Variants in HOXB3 observed in about 807,000 individuals in gnomAD.
HOXB3 encodes the protein homeobox protein Hox-B3.
In HOXB3, 17 loss-of-function variants were observed where a neutral mutation model predicts 29.2. The ratio of observed to expected loss-of-function variants is 0.58; its 90% CI spans 0.40 to 0.87. HOXB3 has a LOEUF of 0.87. Among genes scored for constraint, HOXB3 ranks in the 40% least tolerant of loss-of-function variants. The pLI is 0.00. For synonymous variants in HOXB3, 317 were observed against 285.9 expected (o/e 1.11, Z -1.10); for missense variants, 637 against 616.3 (o/e 1.03, Z -0.35).
intron 2 of HOXB3, among the ~76,000 whole-genome samples, chr17:48,557,657 C>T (rs4793927): frequency 0.56 from 84,505 of 151,886 alleles, 24,312 homozygotes; most frequent in Non-Finnish European, 0.63. Flanking sequence ...CCCCACCTCC[C>T]ACCTAGAAAG....
At chr17:48,568,886 T>C (rs997564453) in intron 2 of HOXB3, among the ~76,000 whole-genome samples, 5 of 152,160 alleles carry the variant, frequency 3.3e-5, no homozygotes, top group Non-Finnish European at 5.9e-5. Flanking sequence ...ATTTGTCACA[T>C]TTTACGACAA....
At chr17:48,578,206 G>A (rs1406721568) in intron 1 of HOXB3, 5 of 1,613,734 alleles carry the variant, frequency 3.1e-6, no homozygotes, top group Non-Finnish European at 3.4e-6. Context: ...GGCCGCCGGC[G>A]TAGTACCCGG....
At chr17:48,574,110 T>C (rs1307314484) in intron 1 of HOXB3, 96 bp from the exon 2 acceptor site, 2 of 538,666 alleles carry the variant, frequency 3.7e-6, no homozygotes, top group African/African-American at 3.8e-5. Flanking sequence ...TTAGCTCTTG[T>C]CTACACAGAA....
chr17:48,558,227 G>A (rs1411700737), intron 2 of HOXB3, among the ~76,000 whole-genome samples: 4 of 152,158 alleles, frequency 2.6e-5, no homozygotes, highest in Non-Finnish European at 5.9e-5. Context: ...GCCTCGGGCC[G>A]GCTGCAGGAG....
chr17:48,575,430 C>G (rs1389709056), intron 1 of HOXB3: 1 of 152,182 alleles, frequency 6.6e-6, no homozygotes, highest in Non-Finnish European at 1.5e-5. Context: ...GGGGCTGAAC[C>G]CAGTAGGGTG....
chr17:48,563,298 C>A (rs1483002420), intron 2 of HOXB3, among the ~76,000 whole-genome samples: 1 of 152,168 alleles, frequency 6.6e-6, no homozygotes, highest in Non-Finnish European at 1.5e-5. Flanking sequence ...GTGGACAGGA[C>A]AAGGGGCAGT....
intron 1 of HOXB3, chr17:48,576,796 T>C: frequency 3.1e-6 from 5 of 1,614,156 alleles, no homozygotes; most frequent in Non-Finnish European, 4.2e-6. Context: ...CCCGAGCGGA[T>C]CTTGGTGTTG....
At chr17:48,583,694 C>G (rs2069993178) in intron 1 of HOXB3, among the ~76,000 whole-genome samples, 1 of 152,172 alleles carries the variant, frequency 6.6e-6, no homozygotes, top group African/African-American at 2.4e-5. Flanking sequence ...CAGTCTATAC[C>G]TAAATTTGCT....
rs1369790842 is a variant in HOXB3, at chr17:48,551,193, G to C, written c.449-12C>G. 1 of 1,285,402 alleles carries C rather than the reference G, an allele frequency of 7.8e-7. No homozygotes were observed. Among genetic ancestry groups the C allele is most frequent in the Admixed American group, 3.2e-5 (1 of 31,726 alleles). The allele number at this position is 1,285,402 out of a possible 1,614,324, so 79.6% of individuals were successfully genotyped here. A position where few individuals can be genotyped will look rare whatever the true frequency, so the allele number is the denominator to read the frequency against. ...ACCACAGCCCTCTGCTGGATCCGAG[G>C]GGGAGGGGTGGGAAGGGGAGAAAAT... On this transcript the variant is annotated splice_polypyrimidine_tract_variant and intron_variant, in intron 4 of 4. Coordinates refer to ENST00000498678, the MANE Select transcript of HOXB3 (RefSeq NM_001384749.1).
chr17:48,565,889 C>T (rs2069371919), intron 2 of HOXB3, among the ~76,000 whole-genome samples: 1 of 152,206 alleles, frequency 6.6e-6, no homozygotes, highest in Non-Finnish European at 1.5e-5. Context: ...GCCTTGACTT[C>T]CCATCCCAGA....
chr17:48,582,697 G>C (rs912091665), intron 1 of HOXB3: 3 of 152,186 alleles, frequency 2.0e-5, no homozygotes, highest in African/African-American at 4.8e-5. Flanking sequence ...TGACAGAGCA[G>C]AAATTTGATT....
chr17:48,553,387 T>C (rs930327270), intron 3 of HOXB3: 6 of 152,116 alleles, frequency 3.9e-5, no homozygotes, highest in African/African-American at 1.4e-4. Context: ...TGGAGCAGGA[T>C]TGTTTCAATT....
intron 2 of HOXB3, among the ~76,000 whole-genome samples, chr17:48,559,241 C>T (rs765349619): frequency 1.2e-4 from 18 of 152,104 alleles, no homozygotes; most frequent in Non-Finnish European, 1.9e-4. Context: ...GCGGCGGGAT[C>T]GTGCCTGTTT....
intron 2 of HOXB3, among the ~76,000 whole-genome samples, chr17:48,561,338 G>A (rs1168202247): frequency 6.6e-6 from 1 of 152,060 alleles, no homozygotes; most frequent in African/African-American, 2.4e-5. Flanking sequence ...ACCCAACCCA[G>A]CTAGCTGGCC....
At chr17:48,555,671 CCCCCCG>C (rs1180945153) in intron 2 of HOXB3, 53 bp from the exon 3 acceptor site, 6 of 695,376 alleles carry the variant, frequency 8.6e-6, no homozygotes, top group Non-Finnish European at 1.6e-5. Context: ...CGCCCCCCGC[CCCCCCG>C]CCCCCGCCCC....
At chr17:48,578,496 CG>C in intron 1 of HOXB3, 1 of 722,428 alleles carries the variant, frequency 1.4e-6, no homozygotes, top group Non-Finnish European at 2.2e-6. Flanking sequence ...TCTGCTCACC[CG>C]GACCCCACTC....
intron 2 of HOXB3, among the ~76,000 whole-genome samples, chr17:48,570,394 A>G (rs2069548949): frequency 6.6e-6 from 1 of 152,132 alleles, no homozygotes; most frequent in South Asian, 2.1e-4. Context: ...GGGGATGCAA[A>G]GGGAAGCAGA....
chr17:48,582,368 A>G (rs925765361), intron 1 of HOXB3: 2 of 151,850 alleles, frequency 1.3e-5, no homozygotes, highest in East Asian at 3.9e-4. Context: ...TCTCCTGTCC[A>G]CTATTGTGTG....
intron 1 of HOXB3, among the ~76,000 whole-genome samples, chr17:48,586,670 C>T (rs997061805): frequency 6.6e-6 from 1 of 152,068 alleles, no homozygotes; most frequent in African/African-American, 2.4e-5. Context: ...GGGTTTTTTC[C>T]CCCAACTCAT....
Sources: gnomAD v4.1 joint callset for allele counts (sites outside exome capture counted in the v4.1 genomes callset) on GRCh38, gnomAD v4.1.1 for gene constraint, MANE v1.5 for transcripts, NCBI Gene and HGNC (gene_info 2026-07-23, HGNC 2026-07-21) for gene names.